USP19: variants seen among roughly 807,000 people sequenced by gnomAD.
The protein encoded by USP19 is ubiquitin specific peptidase 19.
In USP19, 40 loss-of-function variants were observed where a neutral mutation model predicts 144.8. That is an observed-to-expected ratio of 0.28 (90% CI 0.21 to 0.36). USP19 has a LOEUF of 0.36. Among genes scored for constraint, USP19 ranks in the 10% least tolerant of loss-of-function variants. The pLI is 1.00. For synonymous variants in USP19, 701 were observed against 709.3 expected, an observed-to-expected ratio of 0.99 and a Z score of 0.19; for missense variants, 1,518 against 1,822.5, an observed-to-expected ratio of 0.83 and a Z score of 3.04.
rs757341636 is a variant in USP19 at position 49,116,598 on chromosome 3, G to A, written c.1136C>T (p.Ser379Leu). 9.3e-6 allele frequency: 15 copies of A among 1,614,058 alleles called. No homozygotes were observed. The highest frequency in any genetic ancestry group is 1.7e-5 in the Admixed American group (1 of 60,010). The change falls in exon 8 of 27, where the codon TCG (serine) becomes TTG (leucine). Residue 379 changes from serine (S) to leucine (L), a missense_variant. Transcript: ENST00000417901. This position sits in a 1 kb window ranked among gnomAD's most constrained non-coding sequence, Gnocchi z 5.0. ...CTTGACAAACGCCAGGTTCACCATC[G>A]ACTCGGGCTCTATATTGAGACCATG... ...DAATLVDEPE[S>L]MVNLAFVKND...
chr3:49,114,142 A>G lies in USP19; in HGVS notation c.2403+32T>C. ...GAGGGAGGTGGGCCACGTTCTCTAG[A>G]ACAGCCCAGAGGGTAGGGGCTTACT... is the stretch of plus-strand genomic sequence containing the variant. On this transcript the variant is annotated intron_variant, in intron 16 of 26. Transcript: ENST00000417901. The surrounding 1 kb of genome is among the most constrained non-coding windows in gnomAD (Gnocchi z 4.5). 6.2e-7 allele frequency: 1 copy of G among 1,614,082 alleles called. No homozygotes were observed. Among genetic ancestry groups the G allele is most frequent in the Non-Finnish European group, 8.5e-7 (1 of 1,179,938 alleles).
chr3:49,117,472 T>G lies in USP19; in HGVS notation c.571A>C (p.Lys191Gln). 1 of 1,614,154 alleles carries G rather than the reference T, an allele frequency of 6.2e-7. No homozygotes were observed. The highest frequency in any genetic ancestry group is 1.1e-5 in the South Asian group (1 of 91,088). Residue 191 changes from lysine to glutamine, a missense_variant, in exon 5 of 27, where the codon AAA becomes CAA. Physicochemically the swap from Lys to Gln is moderately conservative, Grantham distance 53. Around this residue, in one of 5 missense-constraint regions of USP19, gnomAD observed 707 missense variants for 728.9 expected, o/e 0.97. Coordinates refer to ENST00000417901, the MANE Select transcript of USP19 (RefSeq NM_001199161.2). This position sits in a 1 kb window ranked among gnomAD's most constrained non-coding sequence, Gnocchi z 4.4. ...GGCCACGTGAGCATAGGCACCTTTT[T>G]GGGCAGTGTCAGGTGCAGGAGACTG... ...KGSLLHLTLP[K>Q]KVPMLTWPSL... is the part of the protein sequence containing the mutation.
rs770031389 is a variant in USP19, at chr3:49,110,199, C to T, written c.4023G>A (p.Glu1341=). The change falls in exon 26 of 27, where the codon GAG becomes GAA. Residue 1341 remains glutamate, a synonymous_variant. Coordinates refer to ENST00000417901, the MANE Select transcript of USP19 (RefSeq NM_001199161.2). The surrounding 1 kb of genome is among the most constrained non-coding windows in gnomAD (Gnocchi z 6.1). ...EHHPDLGPAA[E]AAASQGLGPG... Reference sequence around the variant, plus strand: ...CATGCCTCACCTGGCTGGCAGCAGCCTCAGCTGCAGGGCCTAGGTCTGGGT... The same window carrying T: ...CATGCCTCACCTGGCTGGCAGCAGCTTCAGCTGCAGGGCCTAGGTCTGGGT... The T allele has an allele frequency of 6.6e-7, 1 of 1,522,624 alleles. No homozygotes were observed. Among genetic ancestry groups the T allele is most frequent in the Non-Finnish European group, 8.8e-7 (1 of 1,136,088 alleles). 94.3% of individuals were successfully genotyped at this position (1,522,624 alleles called of 1,614,324 possible).
chr3:49,113,955 T>C, intron 17 of USP19, 37 bp downstream of exon 17: 1 of 1,602,546 alleles, frequency 6.2e-7, no homozygotes, highest in South Asian at 1.1e-5. Context: ...CACACACACA[T>C]CCACACATGT....
rs760081385 is a variant in USP19 at position 49,112,741 on chromosome 3, G to A, written c.2506-112C>T. The A allele has an allele frequency of 7.0e-7, 1 of 1,436,692 alleles. No homozygotes were observed. Among genetic ancestry groups the A allele is most frequent in the Non-Finnish European group, 9.3e-7 (1 of 1,074,844 alleles). The allele number at this position is 1,436,692 out of a possible 1,614,324, so 89.0% of individuals were successfully genotyped here. On this transcript the variant is annotated intron_variant, in intron 17 of 26. Coordinates refer to ENST00000417901, the MANE Select transcript of USP19 (RefSeq NM_001199161.2). The surrounding 1 kb of genome is among the most constrained non-coding windows in gnomAD (Gnocchi z 4.9). Reference sequence around the variant, plus strand: ...TTGGGTCTATGTGGGCAGTGGTGAGGTCTGTAGGCCCAAATAGGCTTATGC... The same window carrying A: ...TTGGGTCTATGTGGGCAGTGGTGAGATCTGTAGGCCCAAATAGGCTTATGC...
In USP19 at chr3:49,116,089, G is replaced by T; in HGVS notation, c.1429C>A (p.Gln477Lys). The stretch of plus-strand genomic sequence containing the variant: ...TCCAGGCCCCCCCAGCGCTGACTCT[G>T]CCTCTTACGAAGGCAGATGTCGATG... ...SRIDICLRKR[Q>K]SQRWGGLEAP... Residue 477 changes from glutamine (Q) to lysine (K), a missense_variant, in exon 10 of 27, where the codon CAG becomes AAG. Physicochemically the swap from Gln to Lys is moderately conservative, Grantham distance 53. Transcript: ENST00000417901. The surrounding 1 kb of genome is among the most constrained non-coding windows in gnomAD (Gnocchi z 5.0). 1.4e-5 allele frequency: 22 copies of T among 1,612,684 alleles called. No individual in the cohort carries two copies. The highest frequency in any genetic ancestry group is 1.9e-5 in the Non-Finnish European group (22 of 1,179,674).
chr3:49,112,560 T>C lies in USP19; in HGVS notation c.2575A>G (p.Thr859Ala). 1.2e-6 allele frequency: 2 copies of C among 1,614,032 alleles called. No homozygotes were observed. Among genetic ancestry groups the C allele is most frequent in the East Asian group, 2.2e-5 (1 of 44,882 alleles). Residue 859 changes from threonine to alanine, a missense_variant, in exon 18 of 27, where the codon ACG becomes GCG. Around this residue, in one of 5 missense-constraint regions of USP19, gnomAD observed 413 missense variants for 515.8 expected, o/e 0.80. Coordinates refer to ENST00000417901, the MANE Select transcript of USP19 (RefSeq NM_001199161.2). The surrounding 1 kb of genome is among the most constrained non-coding windows in gnomAD (Gnocchi z 4.9). Reference protein sequence around the residue: ...HSLDTVSPSDTLLCFELLSSE... With the variant: ...HSLDTVSPSDALLCFELLSSE... The stretch of plus-strand genomic sequence containing the variant: ...GATAGCAGCTCAAAGCAGAGGAGCG[T>C]ATCAGATGGGGACACAGTGTCCAGT...
rs770716235 is a variant in USP19, at chr3:49,114,183, C to T, written c.2394G>A (p.Lys798=). Residue 798 remains lysine (K), a synonymous_variant, in exon 16 of 27, where the codon AAG becomes AAA. Transcript: ENST00000417901. The surrounding 1 kb of genome is among the most constrained non-coding windows in gnomAD (Gnocchi z 4.5). ...GGGGCTTACTCCTCACCTTGATGGG[C>T]TTGCTGTGGGGCTCTCGGGCAAAAT... ...VFYFAREPHS[K]PIKFLVSVSK... is the part of the protein sequence containing the mutation. The T allele has an allele frequency of 2.4e-5, 38 of 1,614,070 alleles. No individual in the cohort carries two copies. Among genetic ancestry groups the T allele is most frequent in the Non-Finnish European group, 3.2e-5 (38 of 1,180,038 alleles).
In USP19 at chr3:49,112,677, C is replaced by A; in HGVS notation, c.2506-48G>T. Reference sequence around the variant, plus strand: ...TCCCACGTGAGGATAAGCCCTTTCCCTAGCCCTGCCCCAGAGTTTAAGAAG... The same window carrying A: ...TCCCACGTGAGGATAAGCCCTTTCCATAGCCCTGCCCCAGAGTTTAAGAAG... On this transcript the variant is annotated intron_variant, in intron 17 of 26. Coordinates refer to ENST00000417901, the MANE Select transcript of USP19 (RefSeq NM_001199161.2). This position sits in a 1 kb window ranked among gnomAD's most constrained non-coding sequence, Gnocchi z 4.9. The A allele has an allele frequency of 6.3e-7, 1 of 1,577,896 alleles. No homozygotes were observed. Among genetic ancestry groups the A allele is most frequent in the South Asian group, 1.2e-5 (1 of 85,574 alleles).
In USP19 at chr3:49,118,177, A is replaced by G. The variant is rs2044506236; in HGVS notation, c.125-57T>C. 6 of 683,016 alleles carry G rather than the reference A, an allele frequency of 8.8e-6. No individual in the cohort carries two copies. In the South Asian group the frequency reaches 1.1e-4, roughly 13 times the overall value. 42.3% of individuals were successfully genotyped at this position (683,016 alleles called of 1,614,324 possible). On this transcript the variant is annotated intron_variant, in intron 2 of 26. Coordinates refer to ENST00000417901, the MANE Select transcript of USP19 (RefSeq NM_001199161.2). ...ATGGTGAGGAGGCTGAGGTAGGAGG[A>G]CTGCTTGAGCCCAGGACTTTGAGGA...
In USP19 at chr3:49,112,705, T is replaced by C. The variant is rs1274222448; in HGVS notation, c.2506-76A>G. On this transcript the variant is annotated intron_variant, in intron 17 of 26. Coordinates refer to ENST00000417901, the MANE Select transcript of USP19 (RefSeq NM_001199161.2). This position sits in a 1 kb window ranked among gnomAD's most constrained non-coding sequence, Gnocchi z 4.9. The stretch of plus-strand genomic sequence containing the variant: ...GCCCTGCCCCAGAGTTTAAGAAGGC[T>C]TGGCCCTGCCTTGGGTCTATGTGGG... 3.2e-6 allele frequency: 5 copies of C among 1,548,392 alleles called. No homozygotes were observed. The highest frequency in any genetic ancestry group is 1.8e-4 in the Middle Eastern group (1 of 5,706).
chr3:49,119,281 C>G lies in USP19; in HGVS notation c.-136G>C, dbSNP rs2044724495. 1.6e-6 allele frequency: 2 copies of G among 1,249,050 alleles called. No homozygotes were observed. Among genetic ancestry groups the G allele is most frequent in the Non-Finnish European group, 2.2e-6 (2 of 924,366 alleles). The allele number at this position is 1,249,050 out of a possible 1,614,324, so 77.4% of individuals were successfully genotyped here. A position where few individuals can be genotyped will look rare whatever the true frequency, so the allele number is the denominator to read the frequency against. On this transcript the variant is annotated splice_region_variant and 5_prime_UTR_variant, in exon 2 of 27. Coordinates refer to ENST00000417901, the MANE Select transcript of USP19 (RefSeq NM_001199161.2). ...AAATTCTCCAGCAAGGAACGGACAG[C>G]CTAATGGAAAGAAGCCAGTGATCAC...
intron 26 of USP19, chr3:49,109,116 G>A (rs1448809581): frequency 6.4e-7 from 1 of 1,564,278 alleles, no homozygotes; most frequent in South Asian, 1.2e-5. Context: ...GGCCCCCAGG[G>A]ACCCAGGGGC....
At chr3:49,120,304 T>G in intron 1 of USP19, among the ~76,000 whole-genome samples, 1 of 152,222 alleles carries the variant, frequency 6.6e-6, no homozygotes, top group East Asian at 1.9e-4. Context: ...GATGTGGTAC[T>G]GGTGGGCTGG....
At chr3:49,109,051 G>A in intron 26 of USP19, 1 of 1,612,680 alleles carries the variant, frequency 6.2e-7, no homozygotes, top group South Asian at 1.1e-5. Context: ...AGTACCGGAG[G>A]CAGCCCTCAT....
In USP19 at chr3:49,116,599, A is replaced by C. The variant is rs2044174470; in HGVS notation, c.1135T>G (p.Ser379Ala). 1 of 1,613,850 alleles carries C rather than the reference A, an allele frequency of 6.2e-7. No homozygotes were observed. The highest frequency in any genetic ancestry group is 1.3e-5 in the African/African-American group (1 of 74,834). Residue 379 changes from serine to alanine, a missense_variant, in exon 8 of 27, where the codon TCG (serine) becomes GCG (alanine). Ser to Ala is a moderately conservative substitution (Grantham distance 99, BLOSUM62 1). Coordinates refer to ENST00000417901, the MANE Select transcript of USP19 (RefSeq NM_001199161.2). The surrounding 1 kb of genome is among the most constrained non-coding windows in gnomAD (Gnocchi z 5.0). ...TTGACAAACGCCAGGTTCACCATCG[A>C]CTCGGGCTCTATATTGAGACCATGG... ...DAATLVDEPESMVNLAFVKND... is the reference protein window; with the variant it reads ...DAATLVDEPEAMVNLAFVKND...
In USP19 at chr3:49,117,297, A is replaced by G; in HGVS notation, c.671T>C (p.Leu224Pro). Reference sequence around the variant, plus strand: ...GCCTGGCTCCAGGGCAATGGGAGACAGTTCCTGCCCATTCTCCTGGCACCG... The same window carrying G: ...GCCTGGCTCCAGGGCAATGGGAGACGGTTCCTGCCCATTCTCCTGGCACCG... Reference protein sequence around the residue: ...GLRCQENGQELSPIALEPGPE... With the variant: ...GLRCQENGQEPSPIALEPGPE... The change falls in exon 6 of 27, where the codon CTG (leucine) becomes CCG (proline). Residue 224 changes from leucine to proline, a missense_variant. This residue lies in a region of USP19 where 707 missense variants were observed against 728.9 expected (regional missense o/e 0.97). Transcript: ENST00000417901. This position sits in a 1 kb window ranked among gnomAD's most constrained non-coding sequence, Gnocchi z 4.4. The G allele has an allele frequency of 6.3e-7, 1 of 1,580,852 alleles. No homozygotes were observed.
Position 49,108,596 on chromosome 3 carries a change from G to A in USP19, c.4039-68C>T. On this transcript the variant is annotated intron_variant, in intron 26 of 26. Transcript: ENST00000417901. The surrounding 1 kb of genome is among the most constrained non-coding windows in gnomAD (Gnocchi z 4.8). The stretch of plus-strand genomic sequence containing the variant: ...TGCCGCCTGGCATCCCGGGGGTGCT[G>A]GCTTGGAGCCCTGGCACCCAAGGGA... 7.9e-7 allele frequency: 1 copy of A among 1,262,106 alleles called. No individual in the cohort carries two copies. The highest frequency in any genetic ancestry group is 3.9e-5 in the Admixed American group (1 of 25,772). The allele number at this position is 1,262,106 out of a possible 1,614,324, so 78.2% of individuals were successfully genotyped here. A position where few individuals can be genotyped will look rare whatever the true frequency, so the allele number is the denominator to read the frequency against.
chr3:49,111,892 C>A lies in USP19; in HGVS notation c.2903+19G>T. On this transcript the variant is annotated intron_variant, in intron 20 of 26. Transcript: ENST00000417901. This position sits in a 1 kb window ranked among gnomAD's most constrained non-coding sequence, Gnocchi z 5.9. ...CTGCCCCCACCTACACCACTCTAGT[C>A]CAACCACTGGGCACTTACCGGGCAT... The A allele has an allele frequency of 6.2e-7, 1 of 1,613,520 alleles. No homozygotes were observed. Among genetic ancestry groups the A allele is most frequent in the Non-Finnish European group, 8.5e-7 (1 of 1,179,712 alleles).
Sources: allele counts gnomAD v4.1 joint callset (sites outside exome capture counted in the v4.1 genomes callset), GRCh38; gene constraint gnomAD v4.1.1; regional missense constraint gnomAD v4.1.1; non-coding constraint Gnocchi (gnomAD v3.1); transcripts MANE v1.5; gene names NCBI Gene and HGNC (gene_info 2026-07-23, HGNC 2026-07-21).